The following AK7 variants were observed in gnomAD, a reference collection of about 807,000 sequenced individuals.
AK7 encodes the protein ATP-AMP transphosphorylase 7.
In AK7, 78 loss-of-function variants were observed where a neutral mutation model predicts 96.6. The ratio of observed to expected loss-of-function variants is 0.81; its 90% CI spans 0.67 to 0.97. AK7 has a LOEUF of 0.97. Ranked by LOEUF, AK7 falls within the 50% of genes least tolerant of loss-of-function variation. The probability of loss-of-function intolerance (pLI) is 0.00; values close to 1 mark genes in which losing one functional copy is unlikely to be tolerated. For synonymous variants in AK7, 302 were observed against 317.2 expected (o/e 0.95, Z 0.51); for missense variants, 855 against 887.9 (o/e 0.96, Z 0.47).
chr14:96,454,738 A>G (rs994217698), intron 10 of AK7, among the ~76,000 whole-genome samples: 1 of 146,118 alleles, frequency 6.8e-6, no homozygotes, highest in Non-Finnish European at 1.5e-5. Context: ...AGAGAGGGGG[A>G]CCTCACTATA....
Position 96,420,109 on chromosome 14 carries a change from G to A in AK7, c.499-713G>A, listed in dbSNP as rs151144744. On this transcript the variant is annotated intron_variant, in intron 4 of 17. Transcript: ENST00000267584. ...TCGAACTCCAGACGTCAGGTAATCCGCCCACCTTGGCCTCCCAAAGTGCTG... is the reference window on the plus strand; with the variant it reads ...TCGAACTCCAGACGTCAGGTAATCCACCCACCTTGGCCTCCCAAAGTGCTG... Among the ~76,000 whole-genome samples, 240 of 151,620 alleles carry A rather than the reference G, an allele frequency of 1.6e-3. 1 individual carries two copies. The highest frequency in any genetic ancestry group is 4.9e-3 in the African/African-American group (203 of 41,358).
intron 12 of AK7, 117 bp downstream of exon 12, chr14:96,458,329 C>A: frequency 7.4e-7 from 1 of 1,342,550 alleles, no homozygotes; most frequent in South Asian, 1.5e-5. Flanking sequence ...GGCGCCATGG[C>A]TCATGCCTGT....
intron 8 of AK7, among the ~76,000 whole-genome samples, chr14:96,449,539 T>G (rs900959232): frequency 1.3e-5 from 2 of 152,208 alleles, no homozygotes; most frequent in African/African-American, 4.8e-5. Context: ...GTTCAAGCAA[T>G]TCTCGTGTCT....
chr14:96,436,908 T>C (rs184643441), intron 5 of AK7, among the ~76,000 whole-genome samples: 186 of 152,126 alleles, frequency 1.2e-3, no homozygotes, highest in African/African-American at 4.2e-3. Context: ...CTGGGACTGG[T>C]TGGAAAAGTT....
intron 10 of AK7, among the ~76,000 whole-genome samples, chr14:96,452,345 CAG>C (rs747471177): frequency 4.6e-5 from 7 of 151,280 alleles, no homozygotes; most frequent in East Asian, 1.9e-4. Context: ...TTTATTCAGA[CAG>C]AGTCTCACTC....
Position 96,398,166 on chromosome 14 carries a change from C to G in AK7, c.197C>G (p.Ala66Gly). Residue 66 changes from alanine to glycine, a missense_variant, in exon 2 of 18, where the codon GCT (alanine) becomes GGT (glycine). Physicochemically the swap from Ala to Gly is moderately conservative, Grantham distance 60. Coordinates refer to ENST00000267584, the MANE Select transcript of AK7 (RefSeq NM_152327.5). ...EDENKSAMLE[A>G]SSTKVKEGTF... ...GAAAATAAGTCAGCTATGCTGGAAG[C>G]TTCCTCAACCAAAGTGAAGGAAGGC... The G allele has an allele frequency of 1.2e-6, 2 of 1,614,176 alleles. No individual in the cohort carries two copies. The highest frequency in any genetic ancestry group is 1.3e-5 in the African/African-American group (1 of 75,040).
At position 96,478,671 on chromosome 14, in the gene AK7, T is replaced by A. The variant is rs760939077; in HGVS notation, c.1753+9T>A. 2 of 1,612,802 alleles carry A rather than the reference T, an allele frequency of 1.2e-6. No homozygotes were observed. Among genetic ancestry groups the A allele is most frequent in the Non-Finnish European group, 1.7e-6 (2 of 1,179,190 alleles). The stretch of plus-strand genomic sequence containing the variant: ...TCACCCGATACATATTGGTATGAAA[T>A]GAATTCAAGGATAATGTGAATGTCC... On this transcript the variant is annotated intron_variant, in intron 15 of 17. Transcript: ENST00000267584.
At chr14:96,480,094 G>A (rs1213788118) in intron 15 of AK7, among the ~76,000 whole-genome samples, 1 of 152,140 alleles carries the variant, frequency 6.6e-6, no homozygotes, top group Non-Finnish European at 1.5e-5. Flanking sequence ...TGGTCATTTT[G>A]TTATTCCTAC....
At chr14:96,393,610 C>T (rs1205906023) in intron 1 of AK7, among the ~76,000 whole-genome samples, 1 of 152,122 alleles carries the variant, frequency 6.6e-6, no homozygotes, top group Non-Finnish European at 1.5e-5. Flanking sequence ...TGTTCTCTCC[C>T]CTGTGTCTCT....
chr14:96,488,503 TG>T lies in AK7; in HGVS notation c.*161del. 5.3e-6 allele frequency: 3 copies of T among 563,398 alleles called. No homozygotes were observed. The highest frequency in any genetic ancestry group is 9.3e-6 in the Non-Finnish European group (3 of 321,484). 34.9% of individuals were successfully genotyped at this position (563,398 alleles called of 1,614,324 possible). ...AATCTCTATTAAAAGCTATATGACA[TG>T]ACTATGTCATTAAAACTATATTTGA... On this transcript the variant is annotated 3_prime_UTR_variant, in exon 18 of 18. Coordinates refer to ENST00000267584, the MANE Select transcript of AK7 (RefSeq NM_152327.5).
intron 5 of AK7, among the ~76,000 whole-genome samples, chr14:96,427,489 A>T (rs539578650): frequency 6.6e-6 from 1 of 152,346 alleles, no homozygotes; most frequent in Non-Finnish European, 1.5e-5. Context: ...CAAGGGGTAA[A>T]TATGGCTCCA....
intron 3 of AK7, 164 bp downstream of exon 3, chr14:96,405,029 G>T: frequency 2.6e-6 from 1 of 386,484 alleles, no homozygotes; most frequent in Non-Finnish European, 4.7e-6. Context: ...AGATACTTCT[G>T]AAGAATAGAA....
chr14:96,434,492 A>G (rs1192030231), intron 5 of AK7, among the ~76,000 whole-genome samples: 2 of 151,914 alleles, frequency 1.3e-5, no homozygotes, highest in Non-Finnish European at 1.5e-5. Context: ...GTGGAGTGAC[A>G]CAAGCAACCC....
intron 12 of AK7, among the ~76,000 whole-genome samples, chr14:96,461,555 C>A (rs1894249490): frequency 6.6e-6 from 1 of 152,080 alleles, no homozygotes; most frequent in South Asian, 2.1e-4. Flanking sequence ...AATAATCAGG[C>A]TAACAGGACT....
chr14:96,392,200 C>G lies in AK7; in HGVS notation c.46C>G (p.Arg16Gly), dbSNP rs144597609. ...TGCTGCTCTCACGGAGAAGGTTATC[C>G]GGACCCAGAGGGTGTTTATAAACCT... ...ETAALTEKVIRTQRVFINLLD... is the reference protein window; with the variant it reads ...ETAALTEKVIGTQRVFINLLD... The change falls in exon 1 of 18, where the codon CGG becomes GGG. Residue 16 changes from arginine (R) to glycine (G), a missense_variant. By Grantham distance (125) the Arg-to-Gly change is moderately radical. Transcript: ENST00000267584. The G allele has an allele frequency of 1.9e-5, 31 of 1,613,710 alleles. No homozygotes were observed. The highest frequency in any genetic ancestry group is 2.5e-5 in the Non-Finnish European group (30 of 1,179,670).
chr14:96,414,063 A>T (rs1251071608), intron 4 of AK7, among the ~76,000 whole-genome samples: 1 of 152,212 alleles, frequency 6.6e-6, no homozygotes, highest in East Asian at 1.9e-4. Context: ...CAAAATGTAG[A>T]GTGGCTTACA....
At chr14:96,450,768 CTTTTTTTT>C (rs937558741) in intron 9 of AK7, among the ~76,000 whole-genome samples, 2 of 93,176 alleles carry the variant, frequency 2.1e-5, no homozygotes, top group Non-Finnish European at 4.0e-5. Flanking sequence ...ATATTTTTCT[CTTTTTTTT>C]TTTTTTTTTT....
chr14:96,420,388 G>T (rs1001131149), intron 4 of AK7, among the ~76,000 whole-genome samples: 2 of 151,716 alleles, frequency 1.3e-5, no homozygotes, highest in Non-Finnish European at 2.9e-5. Context: ...TCAGCTACTT[G>T]GGAGGCTGAG....
At chr14:96,415,787 AC>A (rs1891309355) in intron 4 of AK7, among the ~76,000 whole-genome samples, 1 of 149,570 alleles carries the variant, frequency 6.7e-6, no homozygotes, top group South Asian at 2.1e-4. Flanking sequence ...TTAATTTAAT[AC>A]ATTAATTAAT....
Sources: allele counts gnomAD v4.1 joint callset (sites outside exome capture counted in the v4.1 genomes callset), GRCh38; gene constraint gnomAD v4.1.1; transcripts MANE v1.5; gene names NCBI Gene and HGNC (gene_info 2026-07-23, HGNC 2026-07-21).